The following PCDH9 variants were observed in gnomAD, a reference collection of about 807,000 sequenced individuals.
PCDH9 encodes the protein protocadherin 9.
In PCDH9, 24 loss-of-function variants were observed where a neutral mutation model predicts 70.6. The ratio of observed to expected loss-of-function variants is 0.34; its 90% CI spans 0.25 to 0.48. PCDH9 has a LOEUF of 0.48. PCDH9 is among the 20% of genes least tolerant of loss of function. PCDH9 has a pLI of 0.99. For synonymous variants in PCDH9, 562 were observed against 558.5 expected (o/e 1.01, Z -0.09); for missense variants, 1,281 against 1,503.6 (o/e 0.85, Z 2.45).
chr13:66,510,262 T>C (rs543663680), intron 4 of PCDH9, among the ~76,000 whole-genome samples: 23 of 152,054 alleles, frequency 1.5e-4, no homozygotes, highest in Admixed American at 6.6e-5. Flanking sequence ...ACTGAATGAA[T>C]TATCTACTGC....
chr13:66,837,299 T>C (rs2081037939), intron 3 of PCDH9, among the ~76,000 whole-genome samples: 1 of 152,216 alleles, frequency 6.6e-6, no homozygotes, highest in Non-Finnish European at 1.5e-5. Context: ...GGTCCTTTTC[T>C]GAATGTTCCA....
At chr13:66,753,691 C>T (rs1477019501) in intron 3 of PCDH9, among the ~76,000 whole-genome samples, 1 of 152,150 alleles carries the variant, frequency 6.6e-6, no homozygotes, top group Non-Finnish European at 1.5e-5. Flanking sequence ...TGTCTTCTCA[C>T]TTTCATCTCA....
chr13:66,680,021 T>C (rs1002572099), intron 3 of PCDH9, among the ~76,000 whole-genome samples: 1 of 151,998 alleles, frequency 6.6e-6, no homozygotes, highest in South Asian at 2.1e-4. Flanking sequence ...TTTCTTGTTA[T>C]GTGGTAAGAA....
chr13:67,107,873 A>C (rs1000475666), intron 2 of PCDH9, among the ~76,000 whole-genome samples: 11 of 152,114 alleles, frequency 7.2e-5, no homozygotes, highest in African/African-American at 2.4e-4. Flanking sequence ...GGGCTGTAAC[A>C]CCCTCTTTAG....
intron 2 of PCDH9, among the ~76,000 whole-genome samples, chr13:66,911,098 G>A (rs2082457056): frequency 6.6e-6 from 1 of 152,136 alleles, no homozygotes; most frequent in African/African-American, 2.4e-5. Flanking sequence ...GGAGAGAAAG[G>A]CAAACATAGT....
chr13:66,875,878 T>A (rs1408303919), intron 3 of PCDH9, among the ~76,000 whole-genome samples: 1 of 152,164 alleles, frequency 6.6e-6, no homozygotes, highest in Non-Finnish European at 1.5e-5. Context: ...CCCTAAATAC[T>A]GTAAACACAT....
chr13:66,998,043 T>C (rs2084158337), intron 2 of PCDH9, among the ~76,000 whole-genome samples: 1 of 152,226 alleles, frequency 6.6e-6, no homozygotes, highest in Non-Finnish European at 1.5e-5. Context: ...ATTGTGATTT[T>C]TGATATTATA....
At chr13:67,109,784 CT>C (rs2086619132) in intron 2 of PCDH9, among the ~76,000 whole-genome samples, 1 of 152,034 alleles carries the variant, frequency 6.6e-6, no homozygotes, top group Non-Finnish European at 1.5e-5. Context: ...TATTTCTTCT[CT>C]TTTTAATTTT....
chr13:66,751,761 T>A (rs2079462983), intron 3 of PCDH9, among the ~76,000 whole-genome samples: 1 of 152,216 alleles, frequency 6.6e-6, no homozygotes, highest in South Asian at 2.1e-4. Flanking sequence ...TTTTGGTTAA[T>A]TTTTAATTAA....
chr13:66,775,375 G>C (rs1566185879), intron 3 of PCDH9, among the ~76,000 whole-genome samples: 1 of 152,174 alleles, frequency 6.6e-6, no homozygotes, highest in Non-Finnish European at 1.5e-5. Flanking sequence ...GGTACAAACA[G>C]AGACTGTTGC....
intron 3 of PCDH9, among the ~76,000 whole-genome samples, chr13:66,873,936 C>CTT (rs769872960): frequency 1.0e-5 from 1 of 96,948 alleles, no homozygotes; most frequent in Non-Finnish European, 2.1e-5. Context: ...TTTTTTCTTT[C>CTT]TTTCTTTTTT....
chr13:66,943,166 T>C (rs1415128397), intron 2 of PCDH9, among the ~76,000 whole-genome samples: 1 of 152,042 alleles, frequency 6.6e-6, no homozygotes, highest in Non-Finnish European at 1.5e-5. Context: ...GTTGTTACCT[T>C]CATATGCAAT....
intron 3 of PCDH9, among the ~76,000 whole-genome samples, chr13:66,740,304 C>T (rs967132299): frequency 3.7e-5 from 4 of 108,746 alleles, no homozygotes; most frequent in African/African-American, 9.9e-5. Context: ...AGAACAAAGA[C>T]ACAACATACC....
At chr13:67,051,292 T>G (rs1424822703) in intron 2 of PCDH9, among the ~76,000 whole-genome samples, 1 of 151,798 alleles carries the variant, frequency 6.6e-6, no homozygotes, top group East Asian at 1.9e-4. Context: ...GTTGATTCAC[T>G]CTCTTTGTGA....
intron 3 of PCDH9, among the ~76,000 whole-genome samples, chr13:66,824,252 G>C (rs1299870959): frequency 7.1e-6 from 1 of 141,706 alleles, no homozygotes; most frequent in African/African-American, 2.6e-5. Context: ...TTATTGATTT[G>C]CCAAAGACAG....
At chr13:66,950,391 T>C (rs1031420946) in intron 2 of PCDH9, among the ~76,000 whole-genome samples, 1 of 152,172 alleles carries the variant, frequency 6.6e-6, no homozygotes, top group African/African-American at 2.4e-5. Flanking sequence ...TCACTATTGT[T>C]ATGCTATGCC....
At chr13:66,759,917 C>T (rs2079597557) in intron 3 of PCDH9, among the ~76,000 whole-genome samples, 1 of 152,042 alleles carries the variant, frequency 6.6e-6, no homozygotes, top group Non-Finnish European at 1.5e-5. Context: ...CTAAATTTGA[C>T]TGTGTAGTTC....
At chr13:66,740,636 C>A (rs937331620) in intron 3 of PCDH9, among the ~76,000 whole-genome samples, 2 of 149,934 alleles carry the variant, frequency 1.3e-5, no homozygotes, top group African/African-American at 4.9e-5. Context: ...CAAATAGACA[C>A]AATAAAAAAT....
At chr13:66,653,106 C>A (rs1231177451) in intron 3 of PCDH9, among the ~76,000 whole-genome samples, 1 of 152,056 alleles carries the variant, frequency 6.6e-6, no homozygotes, top group African/African-American at 2.4e-5. Context: ...TAATAATACC[C>A]TACAAGCACA....
Sources: allele counts gnomAD v4.1 joint callset (sites outside exome capture counted in the v4.1 genomes callset), GRCh38; gene constraint gnomAD v4.1.1; transcripts MANE v1.5; gene names NCBI Gene and HGNC (gene_info 2026-07-23, HGNC 2026-07-21).